DOK5: variants seen among roughly 807,000 people sequenced by gnomAD.
The protein encoded by DOK5 is downstream of tyrosine kinase 5.
Under a neutral mutation model 43.3 loss-of-function variants are expected in DOK5, and 27 were observed. That is an observed-to-expected ratio of 0.62 (90% CI 0.46 to 0.86). The LOEUF (loss-of-function observed/expected upper bound fraction) is 0.86. DOK5 is among the 40% of genes least tolerant of loss of function. The probability of loss-of-function intolerance (pLI) is 0.00; values close to 1 mark genes in which losing one functional copy is unlikely to be tolerated. For synonymous variants in DOK5, 146 were observed against 140.1 expected, an observed-to-expected ratio of 1.04 and a Z score of -0.30; for missense variants, 373 against 392.9, an observed-to-expected ratio of 0.95 and a Z score of 0.43.
At chr20:54,542,051 G>A (rs1217478566) in intron 1 of DOK5, among the ~76,000 whole-genome samples, 1 of 149,464 alleles carries the variant, frequency 6.7e-6, no homozygotes, top group Admixed American at 6.7e-5. Context: ...CACTGTCCTT[G>A]GTTTATTTCC....
At chr20:54,502,632 A>G (rs773445997) in intron 1 of DOK5, among the ~76,000 whole-genome samples, 1 of 152,188 alleles carries the variant, frequency 6.6e-6, no homozygotes, top group African/African-American at 2.4e-5. Flanking sequence ...ATATTTGTAT[A>G]TATGTCATGT....
chr20:54,641,355 T>C (rs1979100987), intron 6 of DOK5, among the ~76,000 whole-genome samples: 1 of 152,154 alleles, frequency 6.6e-6, no homozygotes, highest in South Asian at 2.1e-4. Flanking sequence ...TCAAGTTGAA[T>C]CTCATGAACT....
intron 6 of DOK5, among the ~76,000 whole-genome samples, chr20:54,626,004 C>G (rs1372061278): frequency 3.3e-5 from 5 of 152,200 alleles, no homozygotes; most frequent in African/African-American, 1.2e-4. Flanking sequence ...GGTCTTCTCT[C>G]CTTTTTAGAG....
chr20:54,534,847 C>CTTTCT (rs1015796107), intron 1 of DOK5, among the ~76,000 whole-genome samples: 1 of 145,740 alleles, frequency 6.9e-6, no homozygotes, highest in African/African-American at 2.7e-5. Context: ...TTCTTTCTTT[C>CTTTCT]TTTTTTTGAG....
chr20:54,583,887 A>G lies in DOK5; in HGVS notation c.175-4596A>G, dbSNP rs577509648. ...ATTTAAAGTAATTACTGCACCAGGC[A>G]TAGTGGCTCATACCTGTAATCCTAG... On this transcript the variant is annotated intron_variant, in intron 2 of 7. Transcript: ENST00000262593. Among the ~76,000 whole-genome samples, 26 of 152,122 alleles carry G rather than the reference A, an allele frequency of 1.7e-4. No individual in the cohort carries two copies. In the South Asian group the frequency reaches 1.9e-3, roughly 11 times the overall value.
chr20:54,514,211 G>C (rs1329842727), intron 1 of DOK5, among the ~76,000 whole-genome samples: 4 of 152,154 alleles, frequency 2.6e-5, no homozygotes, highest in Non-Finnish European at 5.9e-5. Context: ...CACATCTTCT[G>C]GTTTGACAGA....
intron 7 of DOK5, among the ~76,000 whole-genome samples, chr20:54,646,685 A>C (rs932952437): frequency 1.3e-5 from 2 of 152,204 alleles, no homozygotes; most frequent in African/African-American, 4.8e-5. Context: ...AAAAAGTTTT[A>C]TTCTTCTACC....
intron 1 of DOK5, among the ~76,000 whole-genome samples, chr20:54,532,044 T>C (rs934592098): frequency 2.6e-5 from 4 of 152,194 alleles, no homozygotes; most frequent in Non-Finnish European, 5.9e-5. Context: ...ATCCCTGTGC[T>C]AGAGCTGGGG....
At chr20:54,538,508 A>C (rs1984033155) in intron 1 of DOK5, among the ~76,000 whole-genome samples, 1 of 152,214 alleles carries the variant, frequency 6.6e-6, no homozygotes, top group African/African-American at 2.4e-5. Context: ...ACAAGAAGGA[A>C]CCTTGGGACA....
chr20:54,546,309 A>C (rs1490593383), intron 1 of DOK5, among the ~76,000 whole-genome samples: 1 of 152,216 alleles, frequency 6.6e-6, no homozygotes, highest in African/African-American at 2.4e-5. Flanking sequence ...TGCTTGAGAA[A>C]AATATTTGAT....
intron 1 of DOK5, among the ~76,000 whole-genome samples, chr20:54,515,645 C>G (rs1983174565): frequency 6.6e-6 from 1 of 152,172 alleles, no homozygotes; most frequent in East Asian, 1.9e-4. Context: ...AGTTCAGATG[C>G]AAATTTGTTT....
chr20:54,622,593 C>A (rs1006940000), intron 6 of DOK5, among the ~76,000 whole-genome samples: 3 of 152,208 alleles, frequency 2.0e-5, no homozygotes, highest in African/African-American at 7.2e-5. Flanking sequence ...GTTTTGCTGA[C>A]AGATCGTGGC....
intron 1 of DOK5, among the ~76,000 whole-genome samples, chr20:54,497,833 G>T (rs1011640614): frequency 1.3e-5 from 2 of 152,096 alleles, no homozygotes; most frequent in Non-Finnish European, 2.9e-5. Context: ...TGCTTATCTA[G>T]TAATCTATAT....
intron 1 of DOK5, among the ~76,000 whole-genome samples, chr20:54,534,905 C>T (rs1466475404): frequency 2.6e-5 from 4 of 151,616 alleles, no homozygotes; most frequent in East Asian, 1.9e-4. Flanking sequence ...GGCACGATCT[C>T]GGCTCACTCC....
chr20:54,495,400 T>C (rs1346794950), intron 1 of DOK5, among the ~76,000 whole-genome samples: 1 of 152,212 alleles, frequency 6.6e-6, no homozygotes. Context: ...GTCTGTGGGA[T>C]TGATTCCACT....
chr20:54,539,168 T>G (rs994163224), intron 1 of DOK5, among the ~76,000 whole-genome samples: 1 of 150,576 alleles, frequency 6.6e-6, no homozygotes, highest in South Asian at 2.1e-4. Flanking sequence ...CCTGCGCCTG[T>G]AGTCCCAGCT....
intron 1 of DOK5, among the ~76,000 whole-genome samples, chr20:54,533,292 C>T (rs2146708190): frequency 6.6e-6 from 1 of 152,294 alleles, no homozygotes; most frequent in African/African-American, 2.4e-5. Flanking sequence ...CAAATGTCCA[C>T]TGGGGGACAC....
At chr20:54,616,784 C>CTTTT (rs550110589) in intron 6 of DOK5, among the ~76,000 whole-genome samples, 19 of 105,760 alleles carry the variant, frequency 1.8e-4, no homozygotes, top group African/African-American at 2.3e-4. Flanking sequence ...TTTTTTTTTT[C>CTTTT]TTTTTTTTTT....
intron 1 of DOK5, among the ~76,000 whole-genome samples, chr20:54,535,026 G>A (rs62214389): frequency 6.6e-6 from 1 of 152,044 alleles, no homozygotes; most frequent in East Asian, 1.9e-4. Flanking sequence ...TAGAGACAGG[G>A]TTTCACCATC....
Sources: gnomAD v4.1 joint callset for allele counts (sites outside exome capture counted in the v4.1 genomes callset) on GRCh38, gnomAD v4.1.1 for gene constraint, MANE v1.5 for transcripts, NCBI Gene and HGNC (gene_info 2026-07-23, HGNC 2026-07-21) for gene names.